The following EYA4 variants were observed in gnomAD, a reference collection of about 807,000 sequenced individuals.
EYA4 encodes the protein EYA transcriptional coactivator and phosphatase 4.
Under a neutral mutation model 87.9 loss-of-function variants are expected in EYA4, and 31 were observed. The ratio of observed to expected loss-of-function variants is 0.35; its 90% CI spans 0.27 to 0.48. The LOEUF is 0.48. Among genes scored for constraint, EYA4 ranks in the 20% least tolerant of loss-of-function variants. The pLI, the probability that EYA4 is intolerant of heterozygous loss-of-function variation, is 0.99. For synonymous variants in EYA4, 263 were observed against 270.6 expected (o/e 0.97, Z 0.28); for missense variants, 678 against 761.4 (o/e 0.89, Z 1.29).
At chr6:133,404,331 C>T (rs28706536) in intron 3 of EYA4, among the ~76,000 whole-genome samples, 6 of 152,156 alleles carry the variant, frequency 3.9e-5, no homozygotes, top group South Asian at 4.1e-4. Flanking sequence ...CGATTAATAA[C>T]ATCATTCTGT....
intron 3 of EYA4, among the ~76,000 whole-genome samples, chr6:133,433,821 G>A (rs1791402442): frequency 2.0e-5 from 3 of 152,208 alleles, no homozygotes; most frequent in African/African-American, 7.2e-5. Flanking sequence ...CACATGAAAA[G>A]CTGTTCACTC....
intron 18 of EYA4, 167 bp from the exon 19 acceptor site, chr6:133,524,987 G>C (rs770327153): frequency 1.9e-6 from 3 of 1,573,864 alleles, no homozygotes; most frequent in African/African-American, 2.7e-5. Context: ...GCAGTGGCTG[G>C]AAGAATAAGC....
rs528619038 is a variant in EYA4 at position 133,372,223 on chromosome 6, T to C, written c.34-10169T>C. Among the ~76,000 whole-genome samples the C allele has an allele frequency of 2.2e-3, 334 of 152,252 alleles. 1 individual carries two copies. Among genetic ancestry groups the C allele is most frequent in the African/African-American group, 7.8e-3 (325 of 41,572 alleles). On this transcript the variant is annotated intron_variant, in intron 2 of 19. Transcript: ENST00000355286. ...TGTTTCTTCTGGTCACATGCTTGTA[T>C]GTGTGAAATGTTTCACATAGAACTA... is the stretch of plus-strand genomic sequence containing the variant.
chr6:133,398,169 CAG>C (rs914838793), intron 3 of EYA4, among the ~76,000 whole-genome samples: 1 of 152,158 alleles, frequency 6.6e-6, no homozygotes, highest in Admixed American at 6.5e-5. Context: ...AGTCAAGAAA[CAG>C]AGGAATCGTG....
intron 1 of EYA4, among the ~76,000 whole-genome samples, chr6:133,252,120 GT>G (rs1434299146): frequency 1.3e-5 from 2 of 152,156 alleles, no homozygotes; most frequent in Admixed American, 6.5e-5. Flanking sequence ...TTTTCTTCCG[GT>G]TATTTGTCAG....
At chr6:133,518,795 T>C (rs1012613683) in intron 17 of EYA4, among the ~76,000 whole-genome samples, 2 of 152,020 alleles carry the variant, frequency 1.3e-5, no homozygotes, top group Non-Finnish European at 2.9e-5. Flanking sequence ...TAACAGACTA[T>C]CTCTCAGACC....
intron 5 of EYA4, 41 bp from the exon 6 acceptor site, chr6:133,456,515 A>G (rs372691545): frequency 1.9e-4 from 256 of 1,348,886 alleles, no homozygotes; most frequent in Non-Finnish European, 2.5e-4. Flanking sequence ...TTTGACATAA[A>G]TTTAGAAGTA....
chr6:133,320,229 A>G (rs932166997), intron 2 of EYA4, among the ~76,000 whole-genome samples: 4 of 127,616 alleles, frequency 3.1e-5, no homozygotes, highest in African/African-American at 8.9e-5. Flanking sequence ...CTCTCTGCTT[A>G]TTTGAAAGCT....
intron 3 of EYA4, 101 bp from the exon 4 acceptor site, chr6:133,446,529 T>C: frequency 7.4e-7 from 1 of 1,356,284 alleles, no homozygotes; most frequent in Non-Finnish European, 1.0e-6. Context: ...TGGTTTTAAT[T>C]ATTACTGTGA....
rs756478373 is a variant in EYA4, at chr6:133,324,904, A to ATTTTTT, written c.33+50110_33+50115dup. Among the ~76,000 whole-genome samples, 126 of 83,570 alleles carry ATTTTTT rather than the reference A, an allele frequency of 1.5e-3. 11 individuals are homozygous for ATTTTTT. The highest frequency in any genetic ancestry group is 5.3e-3 in the African/African-American group (112 of 21,070). The allele number at this position is 83,570 out of a possible 152,430, so 54.8% of individuals were successfully genotyped here. A position where few individuals can be genotyped will look rare whatever the true frequency, so the allele number is the denominator to read the frequency against. On this transcript the variant is annotated intron_variant, in intron 2 of 19. Transcript: ENST00000355286. ...ATTTATGGAGTATATTTCAGAAGCT[A>ATTTTTT]TTTTTTTTTTTTTTTTTTTTTTTTG...
chr6:133,430,987 G>C (rs773787870), intron 3 of EYA4, among the ~76,000 whole-genome samples: 46 of 152,190 alleles, frequency 3.0e-4, no homozygotes, highest in Non-Finnish European at 5.6e-4. Context: ...GGGGATGTTT[G>C]AGCTGAGACA....
intron 1 of EYA4, among the ~76,000 whole-genome samples, chr6:133,268,452 A>G (rs368513745): frequency 2.6e-5 from 4 of 152,302 alleles, no homozygotes; most frequent in Admixed American, 1.3e-4. Flanking sequence ...CCTCGGAAAG[A>G]GAGCACTTGG....
At chr6:133,439,849 G>A (rs181605761) in intron 3 of EYA4, among the ~76,000 whole-genome samples, 1 of 152,278 alleles carries the variant, frequency 6.6e-6, no homozygotes, top group Admixed American at 6.5e-5. Context: ...ATCTGGTGTG[G>A]CCCAAGGCTC....
chr6:133,445,244 G>A (rs1554258802), intron 3 of EYA4, among the ~76,000 whole-genome samples: 1 of 151,908 alleles, frequency 6.6e-6, no homozygotes, highest in Non-Finnish European at 1.5e-5. Context: ...TGCTGTTGTT[G>A]TCACATATTA....
At chr6:133,281,500 C>T (rs1777622776) in intron 2 of EYA4, among the ~76,000 whole-genome samples, 1 of 152,200 alleles carries the variant, frequency 6.6e-6, no homozygotes, top group Non-Finnish European at 1.5e-5. Flanking sequence ...ATGGCCTTCA[C>T]AAATACTTAC....
intron 2 of EYA4, among the ~76,000 whole-genome samples, chr6:133,329,982 T>C (rs906178595): frequency 6.6e-6 from 1 of 152,050 alleles, no homozygotes; most frequent in Non-Finnish European, 1.5e-5. Flanking sequence ...GAAAGATGAT[T>C]GAATTGGGTC....
chr6:133,378,009 T>C (rs146670466), intron 2 of EYA4, among the ~76,000 whole-genome samples: 6 of 152,076 alleles, frequency 3.9e-5, no homozygotes, highest in Non-Finnish European at 7.4e-5. Context: ...GGGAGGAAAT[T>C]TTTGGAAGTG....
intron 3 of EYA4, among the ~76,000 whole-genome samples, chr6:133,386,022 T>C (rs1444284805): frequency 1.3e-5 from 2 of 152,178 alleles, no homozygotes; most frequent in African/African-American, 4.8e-5. Context: ...TTGTGTAAAA[T>C]TTGACATTCC....
intron 13 of EYA4, among the ~76,000 whole-genome samples, chr6:133,489,369 C>A (rs1796948011): frequency 6.6e-6 from 1 of 151,948 alleles, no homozygotes; most frequent in African/African-American, 2.4e-5. Flanking sequence ...CTTCCCAAAC[C>A]TAGAGAAAGA....
Sources: gnomAD v4.1 joint callset for allele counts (sites outside exome capture counted in the v4.1 genomes callset) on GRCh38, gnomAD v4.1.1 for gene constraint, MANE v1.5 for transcripts, NCBI Gene and HGNC (gene_info 2026-07-23, HGNC 2026-07-21) for gene names.